MMS19: variants seen among roughly 807,000 people sequenced by gnomAD.
MMS19 encodes MMS19 nucleotide excision repair protein homolog.
MMS19 carries 77 observed loss-of-function variants against 129.8 expected under a neutral mutation model. That is an observed-to-expected ratio of 0.59 (90% CI 0.49 to 0.72). The LOEUF (loss-of-function observed/expected upper bound fraction) is 0.72, where lower values mean the gene tolerates loss of function less well. Among genes scored for constraint, MMS19 ranks in the 30% least tolerant of loss-of-function variants. The probability of loss-of-function intolerance (pLI) is 0.00; values close to 1 mark genes in which losing one functional copy is unlikely to be tolerated. For synonymous variants in MMS19, 491 were observed against 502.8 expected, an observed-to-expected ratio of 0.98 and a Z score of 0.31; for missense variants, 1,168 against 1,266.3, an observed-to-expected ratio of 0.92 and a Z score of 1.18.
At chr10:97,466,754 T>G (rs1465941581) in intron 15 of MMS19, 22 bp downstream of exon 15, 1 of 1,614,028 alleles carries the variant, frequency 6.2e-7, no homozygotes, top group Admixed American at 1.7e-5. Context: ...TATTTTCCTC[T>G]TCTCTTTCCC....
intron 10 of MMS19, 37 bp from the exon 11 acceptor site, chr10:97,469,760 C>T: frequency 6.3e-7 from 1 of 1,576,524 alleles, no homozygotes; most frequent in Non-Finnish European, 8.7e-7. Context: ...TATGTACACA[C>T]TCAGACACCC....
Position 97,467,423 on chromosome 10 carries a change from C to G in MMS19, c.1297+82G>C, listed in dbSNP as rs183367598. The G allele has an allele frequency of 1.1e-3, 1,223 of 1,068,212 alleles. 1 individual carries two copies. The highest frequency in any genetic ancestry group is 0.011 in the Middle Eastern group (40 of 3,578). The allele number at this position is 1,068,212 out of a possible 1,614,324, so 66.2% of individuals were successfully genotyped here. ...GGACCACTGTTCTAGACTACTTTTC[C>G]ACAGCACTCTTTGCCCTGCTATCCT... On this transcript the variant is annotated intron_variant, in intron 14 of 30. Coordinates refer to ENST00000438925, the MANE Select transcript of MMS19 (RefSeq NM_022362.5).
intron 9 of MMS19, 60 bp downstream of exon 9, chr10:97,470,715 C>A: frequency 1.9e-6 from 2 of 1,075,988 alleles, no homozygotes; most frequent in East Asian, 2.4e-5. Context: ...GCTTTTACTG[C>A]TCTTTCTTCA....
At chr10:97,465,448 C>T (rs1264642559) in intron 18 of MMS19, among the ~76,000 whole-genome samples, 6 of 152,224 alleles carry the variant, frequency 3.9e-5, no homozygotes, top group Non-Finnish European at 7.3e-5. Flanking sequence ...GGATTACAGG[C>T]GCATGCCACC....
At chr10:97,463,300 C>T (rs1185864730) in intron 19 of MMS19, among the ~76,000 whole-genome samples, 3 of 151,904 alleles carry the variant, frequency 2.0e-5, no homozygotes, top group Admixed American at 6.6e-5. Context: ...GCCTCTTGAG[C>T]AGCTGGGACT....
At chr10:97,485,702 C>G (rs1228330479) in intron 1 of MMS19, among the ~76,000 whole-genome samples, 2 of 152,206 alleles carry the variant, frequency 1.3e-5, no homozygotes, top group Non-Finnish European at 2.9e-5. Flanking sequence ...CCCGCCTCTG[C>G]CTCCCAAATT....
chr10:97,480,234 A>G (rs1053863851), intron 3 of MMS19: 4 of 465,062 alleles, frequency 8.6e-6, no homozygotes, highest in Admixed American at 2.4e-5. Flanking sequence ...GCTTCTGGAT[A>G]TATTACCTAG....
intron 29 of MMS19, 113 bp from the exon 30 acceptor site, chr10:97,459,013 C>T (rs2030755801): frequency 8.8e-7 from 1 of 1,130,270 alleles, no homozygotes; most frequent in Non-Finnish European, 1.3e-6. Flanking sequence ...TTTAGTGATT[C>T]CAAGGGATGT....
intron 15 of MMS19, 57 bp downstream of exon 15, chr10:97,466,719 G>A (rs1244167451): frequency 1.2e-6 from 2 of 1,610,708 alleles, no homozygotes; most frequent in Non-Finnish European, 1.7e-6. Flanking sequence ...TTTTCACCAA[G>A]GCAGTCTTAC....
At chr10:97,460,014 T>G in intron 26 of MMS19, 32 bp downstream of exon 26, 3 of 1,606,264 alleles carry the variant, frequency 1.9e-6, no homozygotes. Context: ...GAGAGATGTG[T>G]ATATGTGGGG....
At position 97,480,765 on chromosome 10, in the gene MMS19, C is replaced by T. The variant is rs185963486; in HGVS notation, c.262+177G>A. Reference sequence around the variant, plus strand: ...ACGTTTTATATTGAAATCCATGTGTCTTGTGTCTCAATTCTAATCATCTCT... The same window carrying T: ...ACGTTTTATATTGAAATCCATGTGTTTTGTGTCTCAATTCTAATCATCTCT... On this transcript the variant is annotated intron_variant, in intron 3 of 30. Transcript: ENST00000438925. The T allele has an allele frequency of 2.7e-3, 1,662 of 617,304 alleles. 5 individuals carry two copies. The highest frequency in any genetic ancestry group is 0.011 in the Middle Eastern group (24 of 2,256). The allele number at this position is 617,304 out of a possible 1,614,324, so 38.2% of individuals were successfully genotyped here.
intron 14 of MMS19, 51 bp downstream of exon 14, chr10:97,467,454 G>C (rs2133385407): frequency 7.1e-6 from 10 of 1,403,322 alleles, no homozygotes; most frequent in Non-Finnish European, 1.0e-5. Context: ...ATCCTTTATA[G>C]GCTGAAGTGT....
chr10:97,491,918 A>G (rs1434737931), intron 1 of MMS19, among the ~76,000 whole-genome samples: 1 of 151,884 alleles, frequency 6.6e-6, no homozygotes, highest in Non-Finnish European at 1.5e-5. Context: ...AGGTGGGTGG[A>G]TCACCTCAGG....
At chr10:97,464,082 C>CTG in intron 18 of MMS19, 69 bp from the exon 19 acceptor site, 1 of 1,417,346 alleles carries the variant, frequency 7.1e-7, no homozygotes, top group East Asian at 2.4e-5. Flanking sequence ...AATTACACAG[C>CTG]AGATGAGAGG....
rs575062527 is a variant in MMS19, at chr10:97,492,242, G to A, written c.112+6031C>T. The stretch of plus-strand genomic sequence containing the variant: ...TCCCAGCACTTTGGGAGGCCGAGGC[G>A]GGCGGATCACGAGGTCAGGAGATTG... On this transcript the variant is annotated intron_variant, in intron 1 of 30. Coordinates refer to ENST00000438925, the MANE Select transcript of MMS19 (RefSeq NM_022362.5). Among the ~76,000 whole-genome samples, 516 of 150,174 alleles carry A rather than the reference G, an allele frequency of 3.4e-3. 2 individuals carry two copies. The highest frequency in any genetic ancestry group is 0.012 in the African/African-American group (489 of 40,884).
chr10:97,495,059 G>T (rs1199222985), intron 1 of MMS19, among the ~76,000 whole-genome samples: 1 of 152,224 alleles, frequency 6.6e-6, no homozygotes, highest in Non-Finnish European at 1.5e-5. Flanking sequence ...ATGCTGTCTG[G>T]CTGGGTTAAT....
At chr10:97,475,884 G>C (rs2035670660) in intron 8 of MMS19, among the ~76,000 whole-genome samples, 1 of 152,204 alleles carries the variant, frequency 6.6e-6, no homozygotes, top group South Asian at 2.1e-4. Flanking sequence ...GATTATGAAA[G>C]AGATAAAAAG....
chr10:97,497,918 G>T (rs2135625613), intron 1 of MMS19, among the ~76,000 whole-genome samples: 2 of 152,266 alleles, frequency 1.3e-5, no homozygotes, highest in African/African-American at 4.8e-5. Flanking sequence ...GCTTCGTGGC[G>T]TGAGCACCCG....
In MMS19 at chr10:97,458,507, C is replaced by A; in HGVS notation, c.*185G>T. ...AAGTGTCTCACACACACTTATTTTA[C>A]AAATCCACTAGAAATATGGACTCTT... On this transcript the variant is annotated 3_prime_UTR_variant, in exon 31 of 31. Transcript: ENST00000438925. 1 of 616,670 alleles carries A rather than the reference C, an allele frequency of 1.6e-6. No individual in the cohort carries two copies. Among genetic ancestry groups the A allele is most frequent in the African/African-American group, 1.8e-5 (1 of 54,310 alleles). 38.2% of individuals were successfully genotyped at this position (616,670 alleles called of 1,614,324 possible). A position where few individuals can be genotyped will look rare whatever the true frequency, so the allele number is the denominator to read the frequency against.
Sources: gnomAD v4.1 joint callset for allele counts (sites outside exome capture counted in the v4.1 genomes callset) on GRCh38, gnomAD v4.1.1 for gene constraint, MANE v1.5 for transcripts, NCBI Gene and HGNC (gene_info 2026-07-23, HGNC 2026-07-21) for gene names.